Variants in LAMA5 observed in about 807,000 individuals in gnomAD.
LAMA5 encodes the protein laminin subunit alpha 5, also known as laminin subunit alpha-5.
Under a neutral mutation model 433.4 loss-of-function variants are expected in LAMA5, and 260 were observed. The ratio of observed to expected loss-of-function variants is 0.60; its 90% confidence interval spans 0.54 to 0.66. LAMA5 has a LOEUF of 0.66. Among genes scored for constraint, LAMA5 ranks in the 30% least tolerant of loss-of-function variants. The pLI is 0.00. For synonymous variants in LAMA5, 2,620 were observed against 2,226.6 expected (o/e 1.18, Z -4.97); for missense variants, 5,378 against 5,258.5 (o/e 1.02, Z -0.70).
In LAMA5 at chr20:62,367,225, C is replaced by A. The variant is rs1298086192; in HGVS notation, c.21G>T (p.Ala7=). 2 of 1,193,762 alleles carry A rather than the reference C, an allele frequency of 1.7e-6. No homozygotes were observed. Among genetic ancestry groups the A allele is most frequent in the South Asian group, 3.6e-5 (1 of 27,750 alleles). The allele number at this position is 1,193,762 out of a possible 1,614,324, so 73.9% of individuals were successfully genotyped here. The change falls in exon 1 of 80, where the codon GCG becomes GCT. Residue 7 remains alanine, a synonymous_variant. Transcript: ENST00000252999. ...GGCCGCGAACACACAGTGCGCTCCC[C>A]GCGCAGAGCCGCTTCGCCATCTTCC... The part of the protein sequence containing the change: MAKRLC[A]GSALCVRGPR...
intron 2 of LAMA5, among the ~76,000 whole-genome samples, chr20:62,354,896 C>T (rs1184462412): frequency 6.6e-6 from 1 of 152,216 alleles, no homozygotes; most frequent in East Asian, 1.9e-4. Flanking sequence ...AGAGGCTCCA[C>T]AGGGACCTGG....
chr20:62,366,424 C>G (rs1986732604), intron 1 of LAMA5, among the ~76,000 whole-genome samples: 1 of 152,220 alleles, frequency 6.6e-6, no homozygotes, highest in Non-Finnish European at 1.5e-5. Context: ...TTCCCAGCCC[C>G]AGTCAAAACT....
intron 2 of LAMA5, among the ~76,000 whole-genome samples, chr20:62,361,259 G>GGGCAGGGCTAGGGGCCT (rs986505752): frequency 2.6e-5 from 4 of 152,136 alleles, no homozygotes; most frequent in Admixed American, 6.5e-5. Context: ...ACCCAGGCCA[G>GGGCAGGGCTAGGGGCCT]GGCAGGGCTA....
intron 9 of LAMA5, 124 bp from the exon 10 acceptor site, chr20:62,346,339 T>G: frequency 7.1e-7 from 1 of 1,409,942 alleles, no homozygotes; most frequent in Non-Finnish European, 9.6e-7. Context: ...CCAGGCCCCC[T>G]GGGGGGACAT....
chr20:62,349,131 C>T (rs569068890), intron 6 of LAMA5, among the ~76,000 whole-genome samples: 29 of 151,494 alleles, frequency 1.9e-4, no homozygotes, highest in Admixed American at 7.9e-4. Flanking sequence ...AATAGCCAGG[C>T]GTGGTGGTGG....
At position 62,309,368 on chromosome 20, in the gene LAMA5, C is replaced by T. The variant is rs1451282098; in HGVS notation, c.11056G>A (p.Ala3686Thr). The T allele has an allele frequency of 1.3e-6, 2 of 1,590,296 alleles. No homozygotes were observed. The highest frequency in any genetic ancestry group is 2.2e-5 in the South Asian group (2 of 89,008). ...AMTRSVEVHGAVGASGCPAA is the reference protein window; with the variant it reads ...AMTRSVEVHGTVGASGCPAA ...GCTGGGCAGCCACTGGCCCCCACTG[C>T]CCCGTGGACCTCCACAGAGCGAGTC... Residue 3686 changes from alanine (A) to threonine (T), a missense_variant, in exon 80 of 80, where the codon GCA becomes ACA. By Grantham distance (58) the Ala-to-Thr change is moderately conservative. Transcript: ENST00000252999.
chr20:62,317,599 C>G (rs1225541719), intron 54 of LAMA5, 63 bp downstream of exon 54: 15 of 1,519,392 alleles, frequency 9.9e-6, no homozygotes, highest in Non-Finnish European at 1.3e-5. Context: ...CAAAGCTGCC[C>G]ACGGGCCTGG....
chr20:62,325,249 G>A (rs1364125013), intron 41 of LAMA5, 67 bp downstream of exon 41: 33 of 1,017,522 alleles, frequency 3.2e-5, no homozygotes, highest in Non-Finnish European at 4.4e-5. Flanking sequence ...GGAACACAGG[G>A]AGGATGCTGG....
At chr20:62,325,590 GA>G in intron 40 of LAMA5, 44 bp from the exon 41 acceptor site, 1 of 1,355,856 alleles carries the variant, frequency 7.4e-7, no homozygotes, top group South Asian at 1.3e-5. Context: ...CACTCAATGG[GA>G]CAGAACAGGG....
At chr20:62,334,759 G>GGGCGAGGGCGAGGGCC (rs1981242021) in intron 20 of LAMA5, 138 bp from the exon 21 acceptor site, 2 of 36,856 alleles carry the variant, frequency 5.4e-5, no homozygotes, top group East Asian at 2.3e-3. Context: ...GGCTCAGGGC[G>GGGCGAGGGCGAGGGCC]AGGGCGAGGG....
rs376208538 is a variant in LAMA5, at chr20:62,331,017, A to G, written c.3650+15T>C. 6.3e-7 allele frequency: 1 copy of G among 1,584,426 alleles called. No homozygotes were observed. The highest frequency in any genetic ancestry group is 8.6e-7 in the Non-Finnish European group (1 of 1,167,508). ...CCTCGGCCGCGCCCCTCCCAGCCCC[A>G]TTACCTGCCATTACCTGTTGGGGCC... On this transcript the variant is annotated intron_variant, in intron 29 of 79. Transcript: ENST00000252999.
Position 62,337,839 on chromosome 20 carries a change from C to A in LAMA5, c.1991G>T (p.Cys664Phe), listed in dbSNP as rs1235323739. 3 of 1,612,774 alleles carry A rather than the reference C, an allele frequency of 1.9e-6. No individual in the cohort carries two copies. Among genetic ancestry groups the A allele is most frequent in the Non-Finnish European group, 2.5e-6 (3 of 1,179,950 alleles). ...GGGGAAGCCGTGAAAGCCGGGGCTG[C>A]ATTCCTGGCAGGCAGTGCCTGTGTA... ...PGYTGTACQE[C>F]SPGFHGFPSC... Residue 664 changes from cysteine (C) to phenylalanine (F), a missense_variant, in exon 15 of 80, where the codon TGC becomes TTC. Coordinates refer to ENST00000252999, the MANE Select transcript of LAMA5 (RefSeq NM_005560.6).
intron 18 of LAMA5, 134 bp from the exon 19 acceptor site, chr20:62,335,403 C>T (rs987370557): frequency 2.9e-5 from 22 of 758,556 alleles, no homozygotes; most frequent in Middle Eastern, 3.8e-4. Context: ...GGAGCCCCTG[C>T]ACCCTGACAC....
intron 11 of LAMA5, among the ~76,000 whole-genome samples, chr20:62,338,834 C>T (rs967634903): frequency 2.0e-5 from 3 of 152,090 alleles, no homozygotes; most frequent in African/African-American, 7.2e-5. Flanking sequence ...GTCAAGAGTT[C>T]GAGACCAGCC....
Position 62,334,231 on chromosome 20 carries a change from G to A in LAMA5, c.2694C>T (p.Phe898=), listed in dbSNP as rs144665788. Residue 898 remains phenylalanine (F), a synonymous_variant, in exon 22 of 80, where the codon TTC becomes TTT. Coordinates refer to ENST00000252999, the MANE Select transcript of LAMA5 (RefSeq NM_005560.6). The part of the protein sequence containing the change: ...AVRFGFNPLE[F]ENFSWRGYAQ... Reference sequence around the variant, plus strand: ...CGTAGCCCCTCCAGCTGAAGTTCTCGAACTCGAGGGGGTTGAAGCCAAAGC... The same window carrying A: ...CGTAGCCCCTCCAGCTGAAGTTCTCAAACTCGAGGGGGTTGAAGCCAAAGC... The A allele has an allele frequency of 3.0e-4, 487 of 1,612,902 alleles. No homozygotes were observed. The highest frequency in any genetic ancestry group is 3.2e-4 in the Non-Finnish European group (378 of 1,179,884).
At chr20:62,365,877 C>T in intron 1 of LAMA5, among the ~76,000 whole-genome samples, 1 of 152,120 alleles carries the variant, frequency 6.6e-6, no homozygotes. Context: ...AGGCTCCTTC[C>T]CCCTCCACCA....
chr20:62,312,056 G>A lies in LAMA5; in HGVS notation c.9505-6C>T, dbSNP rs373689660. The A allele has an allele frequency of 6.7e-5, 108 of 1,611,002 alleles. No individual in the cohort carries two copies. Among genetic ancestry groups the A allele is most frequent in the Non-Finnish European group, 9.1e-5 (107 of 1,178,816 alleles). ...GACACCTGGCATAGCCCATCCTGGGGACGGCAGCCAGGTCAGCCGGCCGGC... is the reference window on the plus strand; with the variant it reads ...GACACCTGGCATAGCCCATCCTGGGAACGGCAGCCAGGTCAGCCGGCCGGC... On this transcript the variant is annotated splice_polypyrimidine_tract_variant and splice_region_variant and intron_variant, in intron 69 of 79. Coordinates refer to ENST00000252999, the MANE Select transcript of LAMA5 (RefSeq NM_005560.6).
chr20:62,362,954 G>A (rs907330684), intron 1 of LAMA5, among the ~76,000 whole-genome samples: 1 of 152,148 alleles, frequency 6.6e-6, no homozygotes, highest in Admixed American at 6.5e-5. Context: ...ACCACAAGGT[G>A]GATCAATGTG....
Position 62,320,828 on chromosome 20 carries a change from C to G in LAMA5, c.6559G>C (p.Ala2187Pro). 1 of 1,612,554 alleles carries G rather than the reference C, an allele frequency of 6.2e-7. No individual in the cohort carries two copies. The highest frequency in any genetic ancestry group is 1.1e-5 in the South Asian group (1 of 91,072). ...ATGCCACGCAGTTGCTCGTGAATGG[C>G]GGGGAGGAGGGCGCCGGCCCGTTCC... ...DLERAGALLPAIHEQLRGINA... is the reference protein window; with the variant it reads ...DLERAGALLPPIHEQLRGINA... Residue 2187 changes from alanine (A) to proline (P), a missense_variant, in exon 49 of 80, where the codon GCC (alanine) becomes CCC (proline). Physicochemically the swap from Ala to Pro is conservative, Grantham distance 27 (BLOSUM62 -1). Transcript: ENST00000252999.
Sources: gnomAD v4.1 joint callset for allele counts (sites outside exome capture counted in the v4.1 genomes callset) on GRCh38, gnomAD v4.1.1 for gene constraint, MANE v1.5 for transcripts, NCBI Gene and HGNC (gene_info 2026-07-23, HGNC 2026-07-21) for gene names.